Variants in ACOXL observed in about 807,000 individuals in gnomAD.
ACOXL encodes acyl-CoA oxidase like.
In ACOXL, 70 loss-of-function variants were observed where a neutral mutation model predicts 71.9. That is an observed-to-expected ratio of 0.97 (90% CI 0.80 to 1.19). The LOEUF is 1.19. Ranked by LOEUF, ACOXL falls within the 50% of genes most tolerant of loss-of-function variation. The probability of loss-of-function intolerance (pLI) is 0.00; values close to 1 mark genes in which losing one functional copy is unlikely to be tolerated. For synonymous variants in ACOXL, 253 were observed against 281.6 expected (o/e 0.90, Z 1.02); for missense variants, 703 against 736.3 (o/e 0.95, Z 0.52).
chr2:110,905,428 A>G (rs1324660907), intron 10 of ACOXL, among the ~76,000 whole-genome samples: 1 of 152,222 alleles, frequency 6.6e-6, no homozygotes, highest in Non-Finnish European at 1.5e-5. Context: ...GGACTCTTGA[A>G]TGCCAAGCTG....
chr2:110,790,315 T>C (rs546591858), intron 3 of ACOXL, among the ~76,000 whole-genome samples: 1 of 152,252 alleles, frequency 6.6e-6, no homozygotes, highest in Non-Finnish European at 1.5e-5. Flanking sequence ...CTCCTTTTAG[T>C]CTTTATTTAG....
At chr2:110,836,150 A>G (rs1690434185) in intron 9 of ACOXL, among the ~76,000 whole-genome samples, 1 of 152,186 alleles carries the variant, frequency 6.6e-6, no homozygotes, top group Non-Finnish European at 1.5e-5. Context: ...AGTCAGGCCC[A>G]TGGAATCAGT....
intron 17 of ACOXL, chr2:111,094,275 A>G (rs1484610961): frequency 6.6e-6 from 1 of 152,230 alleles, no homozygotes; most frequent in Non-Finnish European, 1.5e-5. Context: ...AGTATATGTA[A>G]TGATGCTACA....
chr2:110,782,702 T>C (rs879732359), intron 2 of ACOXL, among the ~76,000 whole-genome samples: 2 of 152,228 alleles, frequency 1.3e-5, no homozygotes, highest in African/African-American at 4.8e-5. Flanking sequence ...ATGACCGCAG[T>C]TGGACACCAT....
chr2:111,003,550 CAAAAAAAAAAAAAAAA>C (rs548001377), intron 14 of ACOXL, among the ~76,000 whole-genome samples: 3 of 35,332 alleles, frequency 8.5e-5, no homozygotes, highest in Non-Finnish European at 1.1e-4. Flanking sequence ...GACTCTGTCT[CAAAAAAAAAAAAAAAA>C]AAAAAAAAAA....
At chr2:110,822,435 T>C (rs1688728120) in intron 9 of ACOXL, among the ~76,000 whole-genome samples, 1 of 152,174 alleles carries the variant, frequency 6.6e-6, no homozygotes, top group African/African-American at 2.4e-5. Flanking sequence ...TGCCGGTTTC[T>C]GTATTTTTAA....
rs551048080 is a variant in ACOXL at position 111,118,294 on chromosome 2, T to C, written c.*478T>C. On this transcript the variant is annotated 3_prime_UTR_variant, in exon 18 of 18. Transcript: ENST00000439055. ...TCTTTCCGCGAGCGGGAAAAAAGGT[T>C]TGGTTCAGCAAGTGATGCTATTTCA... 60 of 167,434 alleles carry C rather than the reference T, an allele frequency of 3.6e-4. 1 individual carries two copies. The South Asian group carries it at 9.1e-3, about 25-fold the overall frequency. The allele number at this position is 167,434 out of a possible 1,614,324, so 10.4% of individuals were successfully genotyped here. A position where few individuals can be genotyped will look rare whatever the true frequency, so the allele number is the denominator to read the frequency against.
At chr2:111,034,553 C>G (rs1347766641) in intron 15 of ACOXL, among the ~76,000 whole-genome samples, 1 of 152,128 alleles carries the variant, frequency 6.6e-6, no homozygotes, top group Non-Finnish European at 1.5e-5. Context: ...GGTTCAATGT[C>G]AGATAAAGAG....
At chr2:110,831,672 A>C (rs1689842139) in intron 9 of ACOXL, among the ~76,000 whole-genome samples, 1 of 152,256 alleles carries the variant, frequency 6.6e-6, no homozygotes, top group South Asian at 2.1e-4. Flanking sequence ...CAGTCTACCC[A>C]ATTTCAAGAT....
intron 1 of ACOXL, among the ~76,000 whole-genome samples, chr2:110,764,670 G>A (rs564815248): frequency 7.2e-5 from 11 of 152,308 alleles, no homozygotes; most frequent in African/African-American, 2.4e-4. Context: ...GATGGGTAAT[G>A]TACGTTCATC....
chr2:110,777,565 TG>T (rs1477246257), intron 2 of ACOXL, among the ~76,000 whole-genome samples: 1 of 152,196 alleles, frequency 6.6e-6, no homozygotes, highest in African/African-American at 2.4e-5. Flanking sequence ...TCTGTTGTGA[TG>T]GGGACAGAAC....
At chr2:110,949,367 A>T (rs951921081) in intron 12 of ACOXL, among the ~76,000 whole-genome samples, 1 of 140,748 alleles carries the variant, frequency 7.1e-6, no homozygotes, top group East Asian at 2.2e-4. Context: ...CCGGGCATCA[A>T]CTGGTTTCTG....
chr2:110,893,314 T>A (rs1297612987), intron 10 of ACOXL, among the ~76,000 whole-genome samples: 1 of 152,124 alleles, frequency 6.6e-6, no homozygotes, highest in East Asian at 1.9e-4. Flanking sequence ...CTATGGACGA[T>A]TTGAAGAAGA....
intron 9 of ACOXL, among the ~76,000 whole-genome samples, chr2:110,812,880 C>T (rs192283810): frequency 3.9e-5 from 6 of 152,300 alleles, no homozygotes; most frequent in South Asian, 2.1e-4. Context: ...ATGGTGCATC[C>T]GGGTAGCTGA....
intron 12 of ACOXL, among the ~76,000 whole-genome samples, chr2:110,940,219 C>G (rs542572348): frequency 2.0e-5 from 3 of 152,274 alleles, no homozygotes; most frequent in Admixed American, 2.0e-4. Context: ...ATGACCTGCT[C>G]ATGTGTTGTA....
intron 13 of ACOXL, among the ~76,000 whole-genome samples, chr2:110,990,987 T>G (rs12105855): frequency 0.38 from 57,601 of 152,078 alleles, 12,136 homozygotes; most frequent in African/African-American, 0.56. Context: ...AAGTTTTACA[T>G]CTCTCATAGA....
intron 1 of ACOXL, among the ~76,000 whole-genome samples, chr2:110,768,144 T>G (rs541868643): frequency 1.5e-4 from 23 of 149,784 alleles, no homozygotes; most frequent in African/African-American, 5.8e-4. Flanking sequence ...ATAATAATAT[T>G]AATAAGAAGA....
At chr2:110,860,582 T>C (rs577832746) in intron 10 of ACOXL, among the ~76,000 whole-genome samples, 89 of 152,350 alleles carry the variant, frequency 5.8e-4, no homozygotes, top group African/African-American at 2.0e-3. Flanking sequence ...TGTCCCCAAC[T>C]TGCTTACTGG....
At position 110,943,254 on chromosome 2, in the gene ACOXL, AAAG is replaced by A. The variant is rs958653229; in HGVS notation, c.1059+9615_1059+9617del. Among the ~76,000 whole-genome samples the A allele has an allele frequency of 9.5e-5, 14 of 146,630 alleles. No homozygotes were observed. The South Asian group carries it at 1.1e-3, about 11-fold the overall frequency. Reference sequence around the variant, plus strand: ...GAAGCAAGAAAGAGAAAGAAAAAGAAAAGAAAGGAGGGAGGGAGGGAAAGAAAG... The same window carrying A: ...GAAGCAAGAAAGAGAAAGAAAAAGAAAAAGGAGGGAGGGAGGGAAAGAAAG... On this transcript the variant is annotated intron_variant, in intron 12 of 17. Coordinates refer to ENST00000439055, the MANE Select transcript of ACOXL (RefSeq NM_001142807.4).
Sources: allele counts gnomAD v4.1 joint callset (sites outside exome capture counted in the v4.1 genomes callset), GRCh38; gene constraint gnomAD v4.1.1; transcripts MANE v1.5; gene names NCBI Gene and HGNC (gene_info 2026-07-23, HGNC 2026-07-21).